AOPEP: variants seen among roughly 807,000 people sequenced by gnomAD.
AOPEP encodes aminopeptidase O.
A neutral mutation model predicts 98.1 loss-of-function variants in AOPEP; 77 were observed. That is an observed-to-expected ratio of 0.78 (90% CI 0.65 to 0.95). AOPEP has a LOEUF of 0.95. Ranked by LOEUF, AOPEP falls within the 40% of genes least tolerant of loss-of-function variation. The pLI is 0.00. For missense variants in AOPEP, 1,024 were observed against 1,024.7 expected (o/e 1.00, Z 0.01); for synonymous variants, 346 against 365.3 (o/e 0.95, Z 0.60).
chr9:95,072,041 A>G (rs1564603364), intron 14 of AOPEP, among the ~76,000 whole-genome samples: 2 of 152,166 alleles, frequency 1.3e-5, no homozygotes, highest in South Asian at 2.1e-4. Flanking sequence ...CTCTGTGTTC[A>G]GTGACATCAT....
downstream of AOPEP, among the ~76,000 whole-genome samples, chr9:95,091,115 G>A (rs2134352162): frequency 6.6e-6 from 1 of 152,370 alleles, no homozygotes; most frequent in African/African-American, 2.4e-5. Flanking sequence ...CAGAGCAGCT[G>A]AAAGCAAGGC....
At chr9:94,805,168 A>G (rs1012173837) in intron 5 of AOPEP, among the ~76,000 whole-genome samples, 1 of 145,732 alleles carries the variant, frequency 6.9e-6, no homozygotes, top group South Asian at 2.2e-4. Flanking sequence ...AAGAGATCAA[A>G]TTTTTTTTTT....
In AOPEP at chr9:95,080,638, G is replaced by T. The variant is rs2134221261; in HGVS notation, c.2233-56G>T. 5 of 1,335,628 alleles carry T rather than the reference G, an allele frequency of 3.7e-6. 1 individual carries two copies. The highest frequency in any genetic ancestry group is 5.4e-6 in the Non-Finnish European group (5 of 933,332). 82.7% of individuals were successfully genotyped at this position (1,335,628 alleles called of 1,614,324 possible). On this transcript the variant is annotated intron_variant, in intron 14 of 16. Transcript: ENST00000375315. ...CAGAGGCTGCCTGTCACTGGGCCCG[G>T]TGGGCTGGGATGCCTGCCTGCTTGT...
intron 1 of AOPEP, among the ~76,000 whole-genome samples, chr9:94,753,538 AAGC>A (rs148563218): frequency 0.028 from 4,321 of 152,334 alleles, 94 homozygotes; most frequent in Non-Finnish European, 0.042. Context: ...ATTCAATAAA[AAGC>A]AGAAAAATAA....
intron 3 of AOPEP, 26 bp from the exon 4 acceptor site, chr9:94,792,739 T>A (rs781022616): frequency 6.4e-7 from 1 of 1,564,592 alleles, no homozygotes; most frequent in East Asian, 2.3e-5. Flanking sequence ...TTGGCCTCAT[T>A]ATGGTTTTTC....
At chr9:95,123,449 G>A in the AOPEP span, 7 of 460,118 alleles carry the variant, frequency 1.5e-5, no homozygotes, top group Admixed American at 7.0e-5. Flanking sequence ...AGACCAGCCC[G>A]GGCAACATGG....
chr9:95,012,670 C>T (rs1185755022), intron 13 of AOPEP, among the ~76,000 whole-genome samples: 2 of 151,944 alleles, frequency 1.3e-5, no homozygotes, highest in African/African-American at 2.4e-5. Flanking sequence ...CTGACAGCAG[C>T]GTGTATCGAG....
At chr9:95,102,475 C>A in the AOPEP span, among the ~76,000 whole-genome samples, 6 of 152,314 alleles carry the variant, frequency 3.9e-5, no homozygotes, top group East Asian at 1.2e-3. Context: ...GAGAATCTTA[C>A]AATTTAGCTG....
Position 95,018,632 on chromosome 9 carries a change from C to T in AOPEP, c.2115+13016C>T, listed in dbSNP as rs542334896. On this transcript the variant is annotated intron_variant, in intron 13 of 16. Transcript: ENST00000375315. ...TTTCTTTTTATCCTTTCAAAATCAT[C>T]TGTTCTTATCCTCTCTGGAATTGTG... Among the ~76,000 whole-genome samples the T allele has an allele frequency of 5.9e-5, 9 of 152,328 alleles. 1 individual carries two copies. Among genetic ancestry groups the T allele is most frequent in the African/African-American group, 2.2e-4 (9 of 41,570 alleles).
intron 1 of AOPEP, among the ~76,000 whole-genome samples, chr9:94,743,980 G>A (rs1300186931): frequency 1.3e-5 from 2 of 152,174 alleles, no homozygotes; most frequent in Admixed American, 6.5e-5. Flanking sequence ...GGGGTCCAGC[G>A]TGGGCTACTC....
At chr9:95,085,807 C>G (rs2070594318) in intron 16 of AOPEP, 4 of 936,638 alleles carry the variant, frequency 4.3e-6, no homozygotes, top group Non-Finnish European at 5.6e-6. Flanking sequence ...AAACTAAAAC[C>G]AAATGCATCA....
Position 94,785,843 on chromosome 9 carries a change from C to T in AOPEP, c.965-6922C>T, listed in dbSNP as rs1043870337. ...ACTGTCTGTTTCATCAAGGATGGCT[C>T]ATTTAAAGTAAACACCATTTAAATA... On this transcript the variant is annotated intron_variant, in intron 3 of 16. Coordinates refer to ENST00000375315, the MANE Select transcript of AOPEP (RefSeq NM_001193329.3). Among the ~76,000 whole-genome samples, 4 of 152,190 alleles carry T rather than the reference C, an allele frequency of 2.6e-5. No homozygotes were observed. In the East Asian group the frequency reaches 7.7e-4, roughly 29 times the overall value.
rs150437491 is a variant in AOPEP at position 94,959,354 on chromosome 9, G to A, written c.1872+3339G>A. On this transcript the variant is annotated intron_variant, in intron 9 of 16. Coordinates refer to ENST00000375315, the MANE Select transcript of AOPEP (RefSeq NM_001193329.3). The stretch of plus-strand genomic sequence containing the variant: ...AATTAATTTTTATATATGTTGTGAC[G>A]ATTACAGTCCAACTTAATTTTTTTT... Among the ~76,000 whole-genome samples the A allele has an allele frequency of 1.3e-4, 20 of 152,146 alleles. No individual in the cohort carries two copies. The East Asian group carries it at 1.4e-3, about 10-fold the overall frequency.
chr9:94,889,686 T>C (rs2136026311), intron 5 of AOPEP, among the ~76,000 whole-genome samples: 1 of 152,300 alleles, frequency 6.6e-6, no homozygotes, highest in Non-Finnish European at 1.5e-5. Flanking sequence ...AAATAATTTT[T>C]CAGTTCTCTA....
At chr9:95,120,381 T>C in the AOPEP span, among the ~76,000 whole-genome samples, 3 of 152,126 alleles carry the variant, frequency 2.0e-5, no homozygotes, top group African/African-American at 7.2e-5. Context: ...TTTTTGCCAA[T>C]ACCTCACTGT....
intron 5 of AOPEP, among the ~76,000 whole-genome samples, chr9:94,830,170 A>G (rs756187941): frequency 1.7e-4 from 26 of 152,098 alleles, no homozygotes; most frequent in Admixed American, 1.6e-3. Flanking sequence ...TGCATTAACT[A>G]TTCTCCCTGA....
the AOPEP span, chr9:95,101,684 C>T: frequency 6.2e-7 from 1 of 1,612,960 alleles, no homozygotes; most frequent in Non-Finnish European, 8.5e-7. Flanking sequence ...TCACGCCGGG[C>T]ACCCACACGG....
chr9:95,140,942 T>C, the AOPEP span, among the ~76,000 whole-genome samples: 10 of 152,180 alleles, frequency 6.6e-5, no homozygotes, highest in African/African-American at 2.4e-4. Flanking sequence ...TACACGTCAA[T>C]ATAAGCAGAT....
chr9:94,964,780 C>A (rs1169179313), intron 9 of AOPEP, among the ~76,000 whole-genome samples: 1 of 151,788 alleles, frequency 6.6e-6, no homozygotes, highest in African/African-American at 2.4e-5. Context: ...GCTGGTATTA[C>A]AGGTGCCCAC....
Sources: allele counts gnomAD v4.1 joint callset (sites outside exome capture counted in the v4.1 genomes callset), GRCh38; gene constraint gnomAD v4.1.1; transcripts MANE v1.5; gene names NCBI Gene and HGNC (gene_info 2026-07-23, HGNC 2026-07-21).